ARHGAP44: variants seen among roughly 807,000 people sequenced by gnomAD.
The protein encoded by ARHGAP44 is Rho GTPase activating protein 44, also known as rho GTPase-activating protein 44.
In ARHGAP44, 43 loss-of-function variants were observed where a neutral mutation model predicts 106.8. That is an observed-to-expected ratio of 0.40 (90% CI 0.32 to 0.52). The LOEUF is 0.52. Ranked by LOEUF, ARHGAP44 falls within the 20% of genes least tolerant of loss-of-function variation. The probability of loss-of-function intolerance (pLI) is 0.48; values close to 1 mark genes in which losing one functional copy is unlikely to be tolerated. For missense variants in ARHGAP44, 866 were observed against 1,050.5 expected, an observed-to-expected ratio of 0.82 and a Z score of 2.43; for synonymous variants, 439 against 410.3, an observed-to-expected ratio of 1.07 and a Z score of -0.85.
intron 1 of ARHGAP44, among the ~76,000 whole-genome samples, chr17:12,798,783 T>C (rs2034001411): frequency 6.6e-6 from 1 of 152,222 alleles, no homozygotes; most frequent in Admixed American, 6.5e-5. Context: ...TATAGAATGG[T>C]AAGATGGAGA....
chr17:12,930,296 C>T lies in ARHGAP44; in HGVS notation c.582+1250C>T, dbSNP rs143017518. Among the ~76,000 whole-genome samples the T allele has an allele frequency of 3.6e-3, 547 of 151,946 alleles. 5 individuals are homozygous for T. The highest frequency in any genetic ancestry group is 0.012 in the African/African-American group (477 of 41,438). On this transcript the variant is annotated intron_variant, in intron 7 of 20. Transcript: ENST00000379672. The stretch of plus-strand genomic sequence containing the variant: ...TTGCCCATGCTGGAGTGCAATGGCA[C>T]GGTCTTGGCTCACCGCAACTTCCGT...
At chr17:12,828,458 T>C (rs2034987119) in intron 1 of ARHGAP44, among the ~76,000 whole-genome samples, 2 of 152,114 alleles carry the variant, frequency 1.3e-5, no homozygotes, top group African/African-American at 4.8e-5. Context: ...TCTGCATCCA[T>C]TGAGATAATC....
rs1295097701 is a variant in ARHGAP44 at position 12,908,950 on chromosome 17, C to T, written c.252C>T (p.Ile84=). 1.3e-6 allele frequency: 2 copies of T among 1,596,764 alleles called. No homozygotes were observed. The highest frequency in any genetic ancestry group is 1.7e-6 in the Non-Finnish European group (2 of 1,175,026). The change falls in exon 4 of 21, where the codon ATC becomes ATT. Residue 84 remains isoleucine (I), a synonymous_variant. Transcript: ENST00000379672. Reference sequence around the variant, plus strand: ...AGTGTCTGATGGAGGGGTCAGCTATCCTGGGAGATGACACACTTCTTGGGT... The same window carrying T: ...AGTGTCTGATGGAGGGGTCAGCTATTCTGGGAGATGACACACTTCTTGGGT... ...LAQCLMEGSA[I]LGDDTLLGKM...
intron 1 of ARHGAP44, among the ~76,000 whole-genome samples, chr17:12,843,086 A>G (rs987312454): frequency 2.0e-5 from 3 of 151,682 alleles, no homozygotes; most frequent in Non-Finnish European, 4.4e-5. Context: ...GCAACGGCCT[A>G]TGGTGGAAGC....
intron 1 of ARHGAP44, among the ~76,000 whole-genome samples, chr17:12,819,556 C>A (rs1162813747): frequency 6.6e-6 from 1 of 150,624 alleles, no homozygotes; most frequent in African/African-American, 2.4e-5. Context: ...TTGCTCCATA[C>A]CCTTGTCAGT....
intron 1 of ARHGAP44, among the ~76,000 whole-genome samples, chr17:12,891,291 T>C (rs1407943254): frequency 6.6e-6 from 1 of 152,206 alleles, no homozygotes. Context: ...ACCAATTGTC[T>C]TTGTGCTGCC....
At chr17:12,834,177 C>T (rs2035170370) in intron 1 of ARHGAP44, among the ~76,000 whole-genome samples, 1 of 152,028 alleles carries the variant, frequency 6.6e-6, no homozygotes, top group Non-Finnish European at 1.5e-5. Flanking sequence ...GAATTTTAAG[C>T]ATTTTAACTC....
chr17:12,983,828 A>T (rs2039891758), intron 19 of ARHGAP44, among the ~76,000 whole-genome samples: 2 of 152,162 alleles, frequency 1.3e-5, no homozygotes, highest in Non-Finnish European at 2.9e-5. Flanking sequence ...AACAACAAAA[A>T]AACCCCAGAA....
intron 16 of ARHGAP44, among the ~76,000 whole-genome samples, chr17:12,969,244 T>TC (rs35736781): frequency 6.6e-6 from 1 of 152,056 alleles, no homozygotes; most frequent in Non-Finnish European, 1.5e-5. Context: ...AGTATCCTTT[T>TC]CCCCCCTTTA....
At chr17:12,796,360 A>T (rs1429432140) in intron 1 of ARHGAP44, among the ~76,000 whole-genome samples, 1 of 152,178 alleles carries the variant, frequency 6.6e-6, no homozygotes, top group Non-Finnish European at 1.5e-5. Flanking sequence ...TTTCTCATGA[A>T]TTTAGCTTCT....
At chr17:12,803,637 C>T (rs2034186949) in intron 1 of ARHGAP44, among the ~76,000 whole-genome samples, 1 of 152,118 alleles carries the variant, frequency 6.6e-6, no homozygotes, top group Admixed American at 6.6e-5. Context: ...TTTTAAATTT[C>T]TGTATCTTAA....
At chr17:12,881,448 A>G (rs900186207) in intron 1 of ARHGAP44, among the ~76,000 whole-genome samples, 12 of 151,958 alleles carry the variant, frequency 7.9e-5, no homozygotes, top group East Asian at 5.8e-4. Flanking sequence ...CTCTCCCCCA[A>G]TCTTAGATAA....
At chr17:12,844,511 T>C (rs1237480452) in intron 1 of ARHGAP44, among the ~76,000 whole-genome samples, 1 of 152,206 alleles carries the variant, frequency 6.6e-6, no homozygotes, top group Non-Finnish European at 1.5e-5. Context: ...GTCTTGGGGA[T>C]TAAGTTTCCA....
intron 1 of ARHGAP44, among the ~76,000 whole-genome samples, chr17:12,852,934 G>A (rs775130939): frequency 6.6e-6 from 1 of 152,204 alleles, no homozygotes; most frequent in Non-Finnish European, 1.5e-5. Context: ...AGGAACATAA[G>A]AGCAAGATAT....
At chr17:12,966,102 G>A (rs926771348) in intron 16 of ARHGAP44, among the ~76,000 whole-genome samples, 2 of 150,566 alleles carry the variant, frequency 1.3e-5, no homozygotes, top group Admixed American at 6.6e-5. Flanking sequence ...GCTGTAGAGA[G>A]CTGTGATAGT....
At chr17:12,882,167 CTTTT>C (rs2036758825) in intron 1 of ARHGAP44, among the ~76,000 whole-genome samples, 1 of 152,100 alleles carries the variant, frequency 6.6e-6, no homozygotes, top group African/African-American at 2.4e-5. Flanking sequence ...TCATTCATGT[CTTTT>C]ACTAATTTTT....
chr17:12,984,651 C>A lies in ARHGAP44; in HGVS notation c.2060C>A (p.Pro687Gln), dbSNP rs779794969. 34 of 1,612,818 alleles carry A rather than the reference C, an allele frequency of 2.1e-5. No homozygotes were observed. The highest frequency in any genetic ancestry group is 2.8e-5 in the Non-Finnish European group (33 of 1,179,628). Reference protein sequence around the residue: ...VSLSPTPPSTPSPYGLSYPQG... With the variant: ...VSLSPTPPSTQSPYGLSYPQG... Reference sequence around the variant, plus strand: ...CTGTCCCCCACCCCGCCCAGCACCCCGTCACCCTATGGACTGAGCTACCCT... The same window carrying A: ...CTGTCCCCCACCCCGCCCAGCACCCAGTCACCCTATGGACTGAGCTACCCT... The change falls in exon 20 of 21, where the codon CCG becomes CAG. Residue 687 changes from proline to glutamine, a missense_variant. This residue lies in a region of ARHGAP44 where 418 missense variants were observed against 403.6 expected (regional missense o/e 1.04). Coordinates refer to ENST00000379672, the MANE Select transcript of ARHGAP44 (RefSeq NM_014859.6).
At chr17:12,863,254 C>G (rs187050276) in intron 1 of ARHGAP44, among the ~76,000 whole-genome samples, 2 of 151,976 alleles carry the variant, frequency 1.3e-5, no homozygotes, top group Non-Finnish European at 2.9e-5. Context: ...AGCATCTTCA[C>G]TGGAGAATAG....
At chr17:12,895,064 G>T in intron 2 of ARHGAP44, 85 bp downstream of exon 2, 1 of 1,354,642 alleles carries the variant, frequency 7.4e-7, no homozygotes, top group Non-Finnish European at 1.0e-6. Context: ...CCAGGAGGTG[G>T]AGGTTGTAGT....
Sources: allele counts gnomAD v4.1 joint callset (sites outside exome capture counted in the v4.1 genomes callset), GRCh38; gene constraint gnomAD v4.1.1; regional missense constraint gnomAD v4.1.1; transcripts MANE v1.5; gene names NCBI Gene and HGNC (gene_info 2026-07-23, HGNC 2026-07-21).